The following RAPGEF2 variants were observed in gnomAD, a reference collection of about 807,000 sequenced individuals.
RAPGEF2 encodes the protein Rap guanine nucleotide exchange factor 2.
Under a neutral mutation model 186.7 loss-of-function variants are expected in RAPGEF2, and 54 were observed. The ratio of observed to expected loss-of-function variants is 0.29; its 90% CI spans 0.23 to 0.36. The LOEUF is 0.36. Ranked by LOEUF, RAPGEF2 falls within the 10% of genes least tolerant of loss-of-function variation. RAPGEF2 has a pLI of 1.00. For synonymous variants in RAPGEF2, 712 were observed against 705.9 expected, an observed-to-expected ratio of 1.01 and a Z score of -0.14; for missense variants, 1,532 against 2,045.0, an observed-to-expected ratio of 0.75 and a Z score of 4.84.
chr4:159,310,604 C>G (rs542702682), intron 8 of RAPGEF2, among the ~76,000 whole-genome samples: 3 of 151,856 alleles, frequency 2.0e-5, no homozygotes, highest in African/African-American at 7.2e-5. Flanking sequence ...AATAGTGGAG[C>G]TTTCAGCATT....
intron 1 of RAPGEF2, 58 bp downstream of exon 1, chr4:159,104,289 T>C (rs1235525047): frequency 2.6e-6 from 2 of 769,612 alleles, no homozygotes; most frequent in Non-Finnish European, 3.6e-6. Flanking sequence ...GGCTGCGTCT[T>C]CCCCTGTCCC....
rs780892119 is a variant in RAPGEF2, at chr4:159,353,785, C to CATAGCACAAAGT, written c.4394_4405dup (p.Ser1465_Tyr1468dup). 6.2e-7 allele frequency: 1 copy of CATAGCACAAAGT among 1,614,152 alleles called. No homozygotes were observed. The highest frequency in any genetic ancestry group is 1.3e-5 in the African/African-American group (1 of 75,044). On this transcript the variant is annotated inframe_insertion, in exon 28 of 30. Coordinates refer to ENST00000691494, the MANE Select transcript of RAPGEF2 (RefSeq NM_001394067.2). The surrounding 1 kb of genome is among the most constrained non-coding windows in gnomAD (Gnocchi z 4.3). ...TATGGACCAAATTATGTTTTCTGATCATAGCACAAAGTATAACAGGCAAAA... is the reference window on the plus strand; with the variant it reads ...TATGGACCAAATTATGTTTTCTGATCATAGCACAAAGTATAGCACAAAGTATAACAGGCAAAA...
intron 4 of RAPGEF2, among the ~76,000 whole-genome samples, chr4:159,212,927 C>T (rs1750663622): frequency 6.6e-6 from 1 of 152,130 alleles, no homozygotes; most frequent in South Asian, 2.1e-4. Flanking sequence ...CAGAAGACTG[C>T]TATTCTAGAA....
At chr4:159,267,982 A>G (rs1350514759) in intron 7 of RAPGEF2, 9 of 1,408,072 alleles carry the variant, frequency 6.4e-6, no homozygotes, top group Non-Finnish European at 8.3e-6. Context: ...CTGGTCTACA[A>G]GTGTGAAGGG....
intron 1 of RAPGEF2, among the ~76,000 whole-genome samples, chr4:159,127,273 T>C (rs1003114048): frequency 6.6e-6 from 1 of 152,192 alleles, no homozygotes; most frequent in African/African-American, 2.4e-5. Flanking sequence ...GTGATCCGCC[T>C]GCCTTGGCCT....
intron 1 of RAPGEF2, among the ~76,000 whole-genome samples, chr4:159,160,212 A>G (rs1744562704): frequency 2.0e-5 from 3 of 152,210 alleles, no homozygotes; most frequent in Non-Finnish European, 2.9e-5. Flanking sequence ...ACTGATTCCC[A>G]TTCTTTCCTA....
chr4:159,134,883 A>G (rs1579275925), intron 1 of RAPGEF2, among the ~76,000 whole-genome samples: 2 of 152,310 alleles, frequency 1.3e-5, no homozygotes, highest in East Asian at 3.9e-4. Flanking sequence ...TTCTGTCCTA[A>G]GCAACTACCA....
At chr4:159,351,578 T>C (rs1477243153) in intron 26 of RAPGEF2, among the ~76,000 whole-genome samples, 2 of 152,096 alleles carry the variant, frequency 1.3e-5, no homozygotes, top group African/African-American at 2.4e-5. Flanking sequence ...TTAAGTAACA[T>C]GAGATCCCTA....
chr4:159,113,762 G>T (rs555141707), intron 1 of RAPGEF2, among the ~76,000 whole-genome samples: 42 of 131,584 alleles, frequency 3.2e-4, no homozygotes, highest in African/African-American at 1.2e-3. Context: ...AAAAAAAAAA[G>T]TATCTTTTTT....
At chr4:159,181,678 G>GGCAT (rs546507706) in intron 1 of RAPGEF2, among the ~76,000 whole-genome samples, 295 of 150,106 alleles carry the variant, frequency 2.0e-3, no homozygotes, top group South Asian at 6.2e-3. Flanking sequence ...TGGAACTACA[G>GGCAT]GCATGCATCA....
intron 4 of RAPGEF2, among the ~76,000 whole-genome samples, chr4:159,215,662 C>T (rs946687356): frequency 1.3e-5 from 2 of 152,184 alleles, no homozygotes; most frequent in Admixed American, 6.5e-5. Context: ...CATATTTAAT[C>T]ATAAACAACA....
At chr4:159,210,624 T>C (rs1013367085) in intron 4 of RAPGEF2, 41 bp downstream of exon 4, 18 of 1,410,474 alleles carry the variant, frequency 1.3e-5, no homozygotes, top group Non-Finnish European at 1.7e-5. Context: ...CCATGAAGCT[T>C]GAAATTCTTT....
chr4:159,332,564 G>A lies in RAPGEF2; in HGVS notation c.2002G>A (p.Val668Ile). 1.2e-6 allele frequency: 2 copies of A among 1,614,134 alleles called. No homozygotes were observed. Among genetic ancestry groups the A allele is most frequent in the Non-Finnish European group, 1.7e-6 (2 of 1,180,018 alleles). Residue 668 changes from valine to isoleucine, a missense_variant, in exon 17 of 30, where the codon GTA (valine) becomes ATA (isoleucine). Physicochemically the swap from Val to Ile is conservative, Grantham distance 29. Transcript: ENST00000691494. Reference sequence around the variant, plus strand: ...TCGCTACTCCATTCCAGATCTTGCTGTAGATGTAGAACAGGTGATAGGACT... The same window carrying A: ...TCGCTACTCCATTCCAGATCTTGCTATAGATGTAGAACAGGTGATAGGACT... ...ASRYSIPDLA[V>I]DVEQVIGLEK...
At chr4:159,226,830 C>T (rs1752091469) in intron 4 of RAPGEF2, among the ~76,000 whole-genome samples, 2 of 152,124 alleles carry the variant, frequency 1.3e-5, no homozygotes, top group African/African-American at 4.8e-5. Context: ...GCATTAGAAA[C>T]AGTCTTTCAC....
At chr4:159,278,158 C>T (rs1309344239) in intron 7 of RAPGEF2, among the ~76,000 whole-genome samples, 3 of 152,160 alleles carry the variant, frequency 2.0e-5, no homozygotes, top group Non-Finnish European at 2.9e-5. Flanking sequence ...CAGTTTTCTA[C>T]ATATGGTTAG....
intron 17 of RAPGEF2, among the ~76,000 whole-genome samples, chr4:159,335,185 G>T (rs1008431876): frequency 1.3e-5 from 2 of 152,120 alleles, no homozygotes; most frequent in Non-Finnish European, 2.9e-5. Context: ...AATTGGCAAG[G>T]TAGGCACAAT....
chr4:159,350,408 T>G, intron 26 of RAPGEF2, 119 bp downstream of exon 26: 2 of 796,310 alleles, frequency 2.5e-6, no homozygotes, highest in Non-Finnish European at 3.5e-6. Context: ...ATGAGCTCAT[T>G]TGCAATGCCC....
chr4:159,251,291 C>G (rs558791997), intron 7 of RAPGEF2, among the ~76,000 whole-genome samples: 2 of 152,248 alleles, frequency 1.3e-5, no homozygotes, highest in African/African-American at 2.4e-5. Flanking sequence ...CTGGTCCCAT[C>G]GACTGCCCAA....
intron 4 of RAPGEF2, among the ~76,000 whole-genome samples, chr4:159,219,426 G>A (rs1455267463): frequency 1.4e-5 from 2 of 138,856 alleles, no homozygotes; most frequent in Admixed American, 1.6e-4. Context: ...TGCGATCTGG[G>A]CTCACTGCAA....
Sources: gnomAD v4.1 joint callset for allele counts (sites outside exome capture counted in the v4.1 genomes callset) on GRCh38, gnomAD v4.1.1 for gene constraint, Gnocchi (gnomAD v3.1) non-coding constraint, MANE v1.5 for transcripts, NCBI Gene and HGNC (gene_info 2026-07-23, HGNC 2026-07-21) for gene names.